Variants in DPP10 observed in about 807,000 individuals in gnomAD.
The protein encoded by DPP10 is inactive dipeptidyl peptidase 10.
DPP10 carries 33 observed loss-of-function variants against 120.9 expected under a neutral mutation model. The observed-to-expected ratio is 0.27, with a 90% CI of 0.21 to 0.37. The LOEUF (loss-of-function observed/expected upper bound fraction) is 0.37, where lower values mean the gene tolerates loss of function less well. Among genes scored for constraint, DPP10 ranks in the 10% least tolerant of loss-of-function variants. DPP10 has a pLI of 1.00. For missense variants in DPP10, 816 were observed against 942.8 expected (o/e 0.87, Z 1.76); for synonymous variants, 337 against 326.1 (o/e 1.03, Z -0.36).
At chr2:115,584,286 A>T (rs1424682043) in intron 5 of DPP10, among the ~76,000 whole-genome samples, 1 of 152,314 alleles carries the variant, frequency 6.6e-6, no homozygotes, top group African/African-American at 2.4e-5. Flanking sequence ...TGAAAATAAA[A>T]CCATTATCTA....
intron 21 of DPP10, among the ~76,000 whole-genome samples, chr2:115,831,074 G>A (rs1329957314): frequency 1.3e-5 from 2 of 152,070 alleles, no homozygotes; most frequent in African/African-American, 2.4e-5. Flanking sequence ...GATAAAATGT[G>A]AGTGATTATG....
intron 3 of DPP10, among the ~76,000 whole-genome samples, chr2:115,473,822 A>C (rs369473082): frequency 6.6e-6 from 1 of 152,162 alleles, no homozygotes; most frequent in East Asian, 1.9e-4. Flanking sequence ...ACAGACCTCC[A>C]AGGTGTGTGT....
At chr2:114,559,917 G>C (rs941793488) in intron 1 of DPP10, among the ~76,000 whole-genome samples, 9 of 138,118 alleles carry the variant, frequency 6.5e-5, no homozygotes, top group South Asian at 2.4e-4. Flanking sequence ...AAAAAACAAA[G>C]GAAGGAAAGA....
intron 3 of DPP10, among the ~76,000 whole-genome samples, chr2:115,481,940 C>T (rs2105274697): frequency 6.6e-6 from 1 of 152,116 alleles, no homozygotes; most frequent in South Asian, 2.1e-4. Context: ...AGAAGGATTA[C>T]ACATAGCAAC....
intron 1 of DPP10, among the ~76,000 whole-genome samples, chr2:114,663,054 A>T (rs954450907): frequency 1.3e-5 from 2 of 152,172 alleles, no homozygotes; most frequent in African/African-American, 4.8e-5. Flanking sequence ...ATAAAGACAC[A>T]TATATGTGTA....
chr2:115,655,079 A>G (rs2088174489), intron 5 of DPP10, among the ~76,000 whole-genome samples: 1 of 151,728 alleles, frequency 6.6e-6, no homozygotes, highest in African/African-American at 2.4e-5. Flanking sequence ...TTTCTTTGCA[A>G]CTTCACCCTT....
intron 5 of DPP10, among the ~76,000 whole-genome samples, chr2:115,663,206 C>A (rs1054693198): frequency 3.3e-5 from 5 of 152,010 alleles, no homozygotes; most frequent in African/African-American, 9.7e-5. Flanking sequence ...TTTTAAATTT[C>A]TTTTTGTTCT....
At chr2:114,485,814 T>A (rs888146422) in intron 1 of DPP10, among the ~76,000 whole-genome samples, 4 of 152,124 alleles carry the variant, frequency 2.6e-5, no homozygotes, top group South Asian at 2.1e-4. Context: ...GAGCTGATCA[T>A]GTTAACCCAC....
chr2:115,190,993 A>C (rs184122592), intron 1 of DPP10, among the ~76,000 whole-genome samples: 66 of 152,290 alleles, frequency 4.3e-4, no homozygotes, highest in African/African-American at 1.5e-3. Context: ...CAGGAGAGGA[A>C]GAAGGAGGTG....
intron 3 of DPP10, among the ~76,000 whole-genome samples, chr2:115,420,486 T>C (rs2069840665): frequency 6.6e-6 from 1 of 151,440 alleles, no homozygotes. Flanking sequence ...AAAACTATGC[T>C]GCTGGATTGT....
chr2:115,805,607 T>C (rs1412756876), intron 19 of DPP10, among the ~76,000 whole-genome samples: 1 of 147,886 alleles, frequency 6.8e-6, no homozygotes, highest in Non-Finnish European at 1.5e-5. Context: ...GCAGTCTCAC[T>C]CCTGTCGCCC....
chr2:115,213,579 A>G (rs188777718), intron 1 of DPP10, among the ~76,000 whole-genome samples: 12 of 151,976 alleles, frequency 7.9e-5, no homozygotes, highest in South Asian at 6.2e-4. Context: ...CTATTTTTCT[A>G]TGCAATTTTG....
chr2:115,219,077 A>G (rs1393149787), intron 1 of DPP10, among the ~76,000 whole-genome samples: 1 of 152,120 alleles, frequency 6.6e-6, no homozygotes, highest in African/African-American at 2.4e-5. Context: ...GGTTATCCTT[A>G]TTTTATAAAT....
At chr2:115,661,399 GAA>G (rs2088964630) in intron 5 of DPP10, among the ~76,000 whole-genome samples, 1 of 152,170 alleles carries the variant, frequency 6.6e-6, no homozygotes, top group Admixed American at 6.5e-5. Flanking sequence ...CCAATCATCT[GAA>G]CTTGATTTGG....
intron 1 of DPP10, among the ~76,000 whole-genome samples, chr2:115,226,199 G>A (rs1220677343): frequency 6.6e-6 from 1 of 152,062 alleles, no homozygotes; most frequent in African/African-American, 2.4e-5. Context: ...GGGTGAGCTC[G>A]ACTGTCTAGG....
intron 3 of DPP10, among the ~76,000 whole-genome samples, chr2:115,386,494 C>G (rs2066941636): frequency 6.6e-6 from 1 of 151,532 alleles, no homozygotes; most frequent in African/African-American, 2.4e-5. Flanking sequence ...AATGACAAGA[C>G]AAAAGAAAAG....
intron 3 of DPP10, among the ~76,000 whole-genome samples, chr2:115,376,708 C>G (rs187666366): frequency 0.028 from 3,620 of 128,434 alleles, 162 homozygotes; most frequent in African/African-American, 0.098. Flanking sequence ...CCCCTCCCCC[C>G]ACCCCACAAC....
intron 11 of DPP10, among the ~76,000 whole-genome samples, chr2:115,757,297 C>G (rs1398094476): frequency 6.6e-6 from 1 of 151,792 alleles, no homozygotes; most frequent in African/African-American, 2.4e-5. Context: ...TTTCATGCTG[C>G]TGATAAAGAC....
intron 1 of DPP10, among the ~76,000 whole-genome samples, chr2:115,023,728 C>CA (rs1460046819): frequency 1.3e-5 from 2 of 151,698 alleles, no homozygotes; most frequent in Non-Finnish European, 2.9e-5. Flanking sequence ...TTTGCAATTG[C>CA]AAAAAAATAT....
Sources: allele counts gnomAD v4.1 joint callset (sites outside exome capture counted in the v4.1 genomes callset), GRCh38; gene constraint gnomAD v4.1.1; transcripts MANE v1.5; gene names NCBI Gene and HGNC (gene_info 2026-07-23, HGNC 2026-07-21).